Variants in CAMKMT observed in about 807,000 individuals in gnomAD.
The protein encoded by CAMKMT is CaM KMT.
Under a neutral mutation model 48.0 loss-of-function variants are expected in CAMKMT, and 53 were observed. The observed-to-expected ratio is 1.10, with a 90% CI of 0.89 to 1.39. The LOEUF is 1.39. CAMKMT is among the 40% of genes most tolerant of loss of function. The pLI is 0.00. For missense variants in CAMKMT, 428 were observed against 402.7 expected (o/e 1.06, Z -0.54); for synonymous variants, 165 against 152.3 (o/e 1.08, Z -0.61).
In CAMKMT at chr2:44,706,283, T is replaced by G. The variant is rs1187387884; in HGVS notation, c.438-4T>G. ...GGTTCTACCATTTCTTTTCTCTCTT[T>G]CAGGGCCCTTGCTGTGTGTGAGCTA... On this transcript the variant is annotated splice_region_variant and splice_polypyrimidine_tract_variant and intron_variant, in intron 4 of 10. Transcript: ENST00000378494. 1 of 1,613,332 alleles carries G rather than the reference T, an allele frequency of 6.2e-7. No individual in the cohort carries two copies. The highest frequency in any genetic ancestry group is 1.7e-5 in the Admixed American group (1 of 59,960).
At chr2:44,405,333 A>G (rs778681797) in intron 3 of CAMKMT, among the ~76,000 whole-genome samples, 2 of 152,094 alleles carry the variant, frequency 1.3e-5, no homozygotes, top group African/African-American at 2.4e-5. Flanking sequence ...TGGATAAATT[A>G]TAGTGTGTCC....
chr2:44,670,969 C>T (rs1453692574), intron 3 of CAMKMT, among the ~76,000 whole-genome samples: 4 of 152,154 alleles, frequency 2.6e-5, no homozygotes, highest in Admixed American at 1.3e-4. Flanking sequence ...CCTTAATTGA[C>T]TTTTTACCAG....
chr2:44,499,592 T>C (rs1027382613), intron 3 of CAMKMT, among the ~76,000 whole-genome samples: 1 of 152,248 alleles, frequency 6.6e-6, no homozygotes, highest in African/African-American at 2.4e-5. Flanking sequence ...TATTATCTTA[T>C]ATCCTTACAA....
At chr2:44,402,343 A>C (rs1043655933) in intron 3 of CAMKMT, among the ~76,000 whole-genome samples, 30 of 151,810 alleles carry the variant, frequency 2.0e-4, no homozygotes, top group Non-Finnish European at 3.4e-4. Flanking sequence ...AAAAAAAAAA[A>C]AAAAAGATAG....
At chr2:44,379,396 C>T (rs1270250729) in intron 2 of CAMKMT, among the ~76,000 whole-genome samples, 2 of 152,072 alleles carry the variant, frequency 1.3e-5, no homozygotes, top group Admixed American at 6.6e-5. Context: ...TTTGTGTGAA[C>T]ATATGCTTTT....
At chr2:44,648,917 C>G (rs1488489356) in intron 3 of CAMKMT, among the ~76,000 whole-genome samples, 2 of 152,232 alleles carry the variant, frequency 1.3e-5, no homozygotes, top group Non-Finnish European at 2.9e-5. Flanking sequence ...TCATCCACTT[C>G]TAACCAAATT....
intron 3 of CAMKMT, among the ~76,000 whole-genome samples, chr2:44,447,821 C>A (rs1051793905): frequency 6.6e-6 from 1 of 152,196 alleles, no homozygotes; most frequent in African/African-American, 2.4e-5. Context: ...AATCTGTGAC[C>A]TTACATACAG....
At chr2:44,644,939 G>C (rs1316475295) in intron 3 of CAMKMT, among the ~76,000 whole-genome samples, 4 of 152,134 alleles carry the variant, frequency 2.6e-5, no homozygotes, top group African/African-American at 4.8e-5. Flanking sequence ...GGAGAAGCAA[G>C]AGTTCTGTCG....
Position 44,362,000 on chromosome 2 carries a change from C to G in CAMKMT, c.-8C>G, listed in dbSNP as rs1337334479. ...GTGGCACCTCCGGGTGTGGAAGGCT[C>G]CAGTGAGATGGAGTCGCGAGTCGCG... On this transcript the variant is annotated 5_prime_UTR_variant, in exon 1 of 11. Transcript: ENST00000378494. 6.4e-6 allele frequency: 9 copies of G among 1,398,936 alleles called. No individual in the cohort carries two copies. Among genetic ancestry groups the G allele is most frequent in the Non-Finnish European group, 8.3e-6 (9 of 1,082,536 alleles). The allele number at this position is 1,398,936 out of a possible 1,614,324, so 86.7% of individuals were successfully genotyped here.
chr2:44,482,677 C>A (rs1195317236), intron 3 of CAMKMT, among the ~76,000 whole-genome samples: 1 of 152,028 alleles, frequency 6.6e-6, no homozygotes, highest in Non-Finnish European at 1.5e-5. Flanking sequence ...TAGAAATGGC[C>A]TTATACTTCA....
intron 7 of CAMKMT, among the ~76,000 whole-genome samples, chr2:44,743,064 C>G (rs1408266897): frequency 6.6e-6 from 1 of 152,172 alleles, no homozygotes; most frequent in African/African-American, 2.4e-5. Flanking sequence ...AGTTTTAAAC[C>G]TGATCCCCTT....
At position 44,586,501 on chromosome 2, in the gene CAMKMT, A is replaced by G. The variant is rs114239472; in HGVS notation, c.377-117782A>G. 3.2e-3 allele frequency among the ~76,000 whole-genome samples: 488 copies of G among 152,234 alleles called. 2 individuals are homozygous for G. Among genetic ancestry groups the G allele is most frequent in the African/African-American group, 0.011 (469 of 41,534 alleles). On this transcript the variant is annotated intron_variant, in intron 3 of 10. Coordinates refer to ENST00000378494, the MANE Select transcript of CAMKMT (RefSeq NM_024766.5). ...TATAGATTCATTTTCATTTTCTAGC[A>G]TTTATGTAAATAGAAGCAAACAAAT...
intron 3 of CAMKMT, among the ~76,000 whole-genome samples, chr2:44,395,204 G>T (rs1197572992): frequency 6.6e-6 from 1 of 152,082 alleles, no homozygotes; most frequent in African/African-American, 2.4e-5. Context: ...AAGAATGTCA[G>T]CTTGGATTTT....
intron 3 of CAMKMT, among the ~76,000 whole-genome samples, chr2:44,415,228 G>T (rs1572816095): frequency 6.6e-6 from 1 of 152,160 alleles, no homozygotes; most frequent in East Asian, 1.9e-4. Flanking sequence ...GTTAGGCCTG[G>T]TATGTACAAC....
intron 3 of CAMKMT, among the ~76,000 whole-genome samples, chr2:44,565,670 T>A (rs185591021): frequency 4.0e-5 from 6 of 151,020 alleles, no homozygotes; most frequent in Admixed American, 2.6e-4. Flanking sequence ...CGGATCTAAG[T>A]AACCTGGAGA....
chr2:44,701,963 A>G (rs1677282396), intron 3 of CAMKMT, among the ~76,000 whole-genome samples: 1 of 152,018 alleles, frequency 6.6e-6, no homozygotes, highest in Non-Finnish European at 1.5e-5. Flanking sequence ...GTCACATTTT[A>G]CGTGATTTTT....
At chr2:44,620,006 T>C (rs1468464590) in intron 3 of CAMKMT, among the ~76,000 whole-genome samples, 2 of 152,176 alleles carry the variant, frequency 1.3e-5, no homozygotes, top group Non-Finnish European at 2.9e-5. Flanking sequence ...CAGTACTTCT[T>C]TTATATTATT....
chr2:44,382,221 G>A (rs1680320288), intron 2 of CAMKMT, among the ~76,000 whole-genome samples: 1 of 151,928 alleles, frequency 6.6e-6, no homozygotes, highest in African/African-American at 2.4e-5. Flanking sequence ...GGGATTATAG[G>A]CGTGAGTCAT....
intron 3 of CAMKMT, among the ~76,000 whole-genome samples, chr2:44,450,730 A>G (rs1393092253): frequency 6.6e-6 from 1 of 152,140 alleles, no homozygotes; most frequent in Non-Finnish European, 1.5e-5. Context: ...ACAATTCACT[A>G]TTTCTCTGTG....
Sources: allele counts gnomAD v4.1 joint callset (sites outside exome capture counted in the v4.1 genomes callset), GRCh38; gene constraint gnomAD v4.1.1; transcripts MANE v1.5; gene names NCBI Gene and HGNC (gene_info 2026-07-23, HGNC 2026-07-21).